Variants in RALGPS2 observed in about 807,000 individuals in gnomAD.
The protein encoded by RALGPS2 is ras-specific guanine nucleotide-releasing factor RalGPS2.
Under a neutral mutation model 86.8 loss-of-function variants are expected in RALGPS2, and 43 were observed. That is an observed-to-expected ratio of 0.50 (90% CI 0.39 to 0.64). The LOEUF is 0.64. Among genes scored for constraint, RALGPS2 ranks in the 30% least tolerant of loss-of-function variants. The pLI, the probability that RALGPS2 is intolerant of heterozygous loss-of-function variation, is 0.00. For synonymous variants in RALGPS2, 243 were observed against 231.3 expected (o/e 1.05, Z -0.46); for missense variants, 536 against 694.6 (o/e 0.77, Z 2.57).
intron 1 of RALGPS2, among the ~76,000 whole-genome samples, chr1:178,736,186 G>A (rs1348636345): frequency 6.9e-6 from 1 of 144,732 alleles, no homozygotes; most frequent in African/African-American, 2.6e-5. Flanking sequence ...TTTTTTCTGA[G>A]ACAGAGTCTC....
At chr1:178,778,183 A>C (rs1653192946) in intron 2 of RALGPS2, among the ~76,000 whole-genome samples, 1 of 122,854 alleles carries the variant, frequency 8.1e-6, no homozygotes. Context: ...CAATGAACTC[A>C]AACAAATTTA....
chr1:178,862,626 T>TGG (rs1658112409), intron 8 of RALGPS2, among the ~76,000 whole-genome samples: 2 of 149,700 alleles, frequency 1.3e-5, no homozygotes, highest in African/African-American at 5.0e-5. Context: ...TATTTATTTA[T>TGG]TTATTTGGTT....
chr1:178,918,177 C>A lies in RALGPS2; in HGVS notation c.*1818C>A, dbSNP rs745882573. 1.3e-5 allele frequency: 2 copies of A among 152,078 alleles called. No individual in the cohort carries two copies. The highest frequency in any genetic ancestry group is 2.4e-5 in the African/African-American group (1 of 41,426). The allele number at this position is 152,078 out of a possible 1,614,324, so 9.4% of individuals were successfully genotyped here. ...CACAGGCTGGAGAGGACAAAAGTTTCCTGTCCTGAATGATTTTTCAATTAA... is the reference window on the plus strand; with the variant it reads ...CACAGGCTGGAGAGGACAAAAGTTTACTGTCCTGAATGATTTTTCAATTAA... On this transcript the variant is annotated 3_prime_UTR_variant, in exon 20 of 20. Transcript: ENST00000367635.
chr1:178,821,413 A>G (rs1008719837), intron 6 of RALGPS2, among the ~76,000 whole-genome samples, 199 bp from the exon 7 acceptor site: 2 of 152,190 alleles, frequency 1.3e-5, no homozygotes, highest in Non-Finnish European at 2.9e-5. Context: ...GGACAATGCC[A>G]GGGTAGAACA....
intron 16 of RALGPS2, among the ~76,000 whole-genome samples, chr1:178,894,731 C>T (rs1417250216): frequency 2.0e-5 from 3 of 152,018 alleles, no homozygotes; most frequent in Non-Finnish European, 4.4e-5. Context: ...ATATTGTACA[C>T]ATTTGTTTCA....
intron 1 of RALGPS2, among the ~76,000 whole-genome samples, chr1:178,741,344 G>A (rs1239460456): frequency 1.2e-4 from 19 of 152,126 alleles, no homozygotes. Context: ...ATATGTAACG[G>A]GCAGAAATAG....
intron 2 of RALGPS2, among the ~76,000 whole-genome samples, chr1:178,780,472 A>C (rs1214613719): frequency 6.6e-6 from 1 of 152,096 alleles, no homozygotes; most frequent in African/African-American, 2.4e-5. Context: ...CAGCTCTTAA[A>C]CTTTATCTTT....
rs956908856 is a variant in RALGPS2 at position 178,808,124 on chromosome 1, A to G, written c.293A>G (p.Asn98Ser). Residue 98 changes from asparagine to serine, a missense_variant, in exon 5 of 20, where the codon AAT becomes AGT. Asn to Ser is a conservative substitution (Grantham distance 46, BLOSUM62 1). Coordinates refer to ENST00000367635, the MANE Select transcript of RALGPS2 (RefSeq NM_152663.5). Reference protein sequence around the residue: ...PNAVAFTRRFNHVSFWVVREI... With the variant: ...PNAVAFTRRFSHVSFWVVREI... Reference sequence around the variant, plus strand: ...GCAGTTGCCTTCACAAGAAGATTCAATCATGTGAGTTTATAAATTTTGATA... The same window carrying G: ...GCAGTTGCCTTCACAAGAAGATTCAGTCATGTGAGTTTATAAATTTTGATA... The G allele has an allele frequency of 1.3e-6, 2 of 1,592,240 alleles. No individual in the cohort carries two copies. Among genetic ancestry groups the G allele is most frequent in the Admixed American group, 1.7e-5 (1 of 59,678 alleles).
chr1:178,867,747 G>A (rs1400600915), intron 8 of RALGPS2, among the ~76,000 whole-genome samples: 6 of 151,582 alleles, frequency 4.0e-5, no homozygotes, highest in Non-Finnish European at 7.4e-5. Context: ...ACTCTTCTGC[G>A]GCAATTTCTT....
In RALGPS2 at chr1:178,862,382, C is replaced by G. The variant is rs147546458; in HGVS notation, c.608-15116C>G. 5.7e-3 allele frequency among the ~76,000 whole-genome samples: 873 copies of G among 152,176 alleles called. 8 individuals are homozygous for G. The highest frequency in any genetic ancestry group is 0.02 in the African/African-American group (819 of 41,538). On this transcript the variant is annotated intron_variant, in intron 8 of 19. Transcript: ENST00000367635. The stretch of plus-strand genomic sequence containing the variant: ...ATATTTAGCAACTGCAGGTAAGACA[C>G]TGTAACCATCTACCAGGAAGGAGCT...
intron 5 of RALGPS2, among the ~76,000 whole-genome samples, chr1:178,810,739 C>G (rs71628299): frequency 0.24 from 36,017 of 151,614 alleles, 5,008 homozygotes; most frequent in Non-Finnish European, 0.32. Flanking sequence ...AAATATTTCT[C>G]ATTAAAAATG....
intron 4 of RALGPS2, among the ~76,000 whole-genome samples, chr1:178,790,527 G>T (rs993401336): frequency 1.3e-5 from 2 of 152,094 alleles, no homozygotes; most frequent in Non-Finnish European, 2.9e-5. Flanking sequence ...TTTATGTATA[G>T]GTATCCCTTA....
At chr1:178,751,672 T>C (rs931760168) in intron 1 of RALGPS2, among the ~76,000 whole-genome samples, 3 of 152,208 alleles carry the variant, frequency 2.0e-5, no homozygotes, top group Non-Finnish European at 4.4e-5. Context: ...CTTCTGGTCA[T>C]TGGGTGGCCT....
At chr1:178,890,501 T>C in intron 14 of RALGPS2, among the ~76,000 whole-genome samples, 1 of 151,956 alleles carries the variant, frequency 6.6e-6, no homozygotes, top group East Asian at 1.9e-4. Flanking sequence ...AAGCGGGTCA[T>C]TTAGATTGAA....
chr1:178,882,759 A>T (rs1156810463), intron 10 of RALGPS2, among the ~76,000 whole-genome samples: 1 of 152,230 alleles, frequency 6.6e-6, no homozygotes, highest in African/African-American at 2.4e-5. Flanking sequence ...AGAACTGGAT[A>T]TATTATCCTA....
chr1:178,786,500 A>G (rs1030912174), intron 4 of RALGPS2, among the ~76,000 whole-genome samples: 3 of 152,030 alleles, frequency 2.0e-5, no homozygotes, highest in Non-Finnish European at 4.4e-5. Context: ...TCTATCCACT[A>G]TAAGCATGGG....
intron 8 of RALGPS2, among the ~76,000 whole-genome samples, chr1:178,861,868 T>TGTTGTTGTTGTA (rs1658038384): frequency 2.0e-5 from 3 of 152,110 alleles, no homozygotes; most frequent in Admixed American, 2.0e-4. Context: ...GAGGTTTGTT[T>TGTTGTTGTTGTA]GTTGTTGTTG....
chr1:178,798,647 A>T (rs567474404), intron 4 of RALGPS2, among the ~76,000 whole-genome samples: 1 of 152,136 alleles, frequency 6.6e-6, no homozygotes, highest in African/African-American at 2.4e-5. Context: ...TTTTTTTTTA[A>T]AAAGGAAATT....
chr1:178,787,559 A>G (rs902568659), intron 4 of RALGPS2, among the ~76,000 whole-genome samples: 4 of 152,196 alleles, frequency 2.6e-5, no homozygotes, highest in African/African-American at 9.6e-5. Context: ...CTTAGTAGCC[A>G]TTGGTGGCTA....
Sources: gnomAD v4.1 joint callset for allele counts (sites outside exome capture counted in the v4.1 genomes callset) on GRCh38, gnomAD v4.1.1 for gene constraint, MANE v1.5 for transcripts, NCBI Gene and HGNC (gene_info 2026-07-23, HGNC 2026-07-21) for gene names.